COL4A5: variants seen among roughly 807,000 people sequenced by gnomAD.
COL4A5 encodes the protein collagen alpha-5(IV) chain.
A neutral mutation model predicts 130.2 loss-of-function variants in COL4A5; 26 were observed. The observed-to-expected ratio is 0.20, with a 90% CI of 0.15 to 0.28. COL4A5 has a LOEUF of 0.28. Ranked by LOEUF, COL4A5 falls within the 10% of genes least tolerant of loss-of-function variation. The pLI, the probability that COL4A5 is intolerant of heterozygous loss-of-function variation, is 1.00. For synonymous variants in COL4A5, 496 were observed against 439.6 expected (o/e 1.13, Z -1.60); for missense variants, 1,131 against 1,344.3 (o/e 0.84, Z 2.48).
chrX:108,607,536 T>C (rs899594820), intron 29 of COL4A5, among the ~76,000 whole-genome samples: 1 of 81,674 alleles, frequency 1.2e-5, no homozygotes, highest in Non-Finnish European at 2.2e-5. Context: ...CAGGCTGGAG[T>C]GCAATGGCGT....
intron 19 of COL4A5, 52 bp downstream of exon 19, chrX:108,586,799 A>G (rs773209881): frequency 1.3e-5 from 15 of 1,155,703 alleles, no homozygotes; most frequent in African/African-American, 1.8e-5. Flanking sequence ...TTACTAATCC[A>G]TGTATACTTT....
At chrX:108,514,988 C>T (rs745594633) in intron 1 of COL4A5, among the ~76,000 whole-genome samples, 5 of 111,677 alleles carry the variant, frequency 4.5e-5, no homozygotes, top group Non-Finnish European at 9.4e-5. Context: ...CAATCAATTT[C>T]GACCATTGGG....
intron 1 of COL4A5, among the ~76,000 whole-genome samples, chrX:108,480,940 C>T (rs1187001469): frequency 1.8e-5 from 2 of 112,095 alleles, no homozygotes; most frequent in Non-Finnish European, 3.8e-5. Context: ...GTAGAGGCTG[C>T]TCTAATGGCT....
intron 19 of COL4A5, among the ~76,000 whole-genome samples, chrX:108,587,514 C>T (rs1374156281): frequency 8.9e-6 from 1 of 111,915 alleles, no homozygotes; most frequent in African/African-American, 3.2e-5. Flanking sequence ...TTTATCTGTT[C>T]ATCCACTGAT....
chrX:108,550,851 A>G (rs1015105410), intron 2 of COL4A5, among the ~76,000 whole-genome samples: 1 of 111,819 alleles, frequency 8.9e-6, no homozygotes, highest in East Asian at 2.8e-4. Context: ...AAACCAACAA[A>G]CTAAGATCAG....
intron 47 of COL4A5, among the ~76,000 whole-genome samples, chrX:108,684,577 C>A (rs985910245): frequency 8.9e-6 from 1 of 112,173 alleles, no homozygotes; most frequent in Non-Finnish European, 1.9e-5. Flanking sequence ...CTTGAATAGG[C>A]CAATAAAAAG....
intron 1 of COL4A5, among the ~76,000 whole-genome samples, chrX:108,465,868 A>G (rs1446930511): frequency 2.7e-5 from 3 of 111,284 alleles, no homozygotes; most frequent in African/African-American, 6.5e-5. Flanking sequence ...GACATTTCGT[A>G]TATTCATCAT....
intron 2 of COL4A5, among the ~76,000 whole-genome samples, chrX:108,540,693 T>TTG (rs2065524768): frequency 2.7e-5 from 3 of 111,882 alleles, no homozygotes; most frequent in African/African-American, 9.7e-5. Flanking sequence ...TCAAGTGATC[T>TTG]GCCCACCTTG....
intron 40 of COL4A5, 75 bp downstream of exon 40, chrX:108,667,258 C>T: frequency 5.2e-6 from 5 of 967,730 alleles, no homozygotes; most frequent in Non-Finnish European, 7.4e-6. Flanking sequence ...ATTTTTCCAT[C>T]TCCACCTTTT....
chrX:108,518,992 G>C (rs1814649605), intron 1 of COL4A5, among the ~76,000 whole-genome samples: 1 of 111,710 alleles, frequency 9.0e-6, no homozygotes. Flanking sequence ...AACGATTCTA[G>C]CTCTGGCTCT....
At chrX:108,603,190 A>T in intron 28 of COL4A5, 129 bp downstream of exon 28, 1 of 354,043 alleles carries the variant, frequency 2.8e-6, no homozygotes, top group Admixed American at 4.9e-5. Context: ...CAGATAACTT[A>T]TTATATTTCC....
chrX:108,611,422 A>G (rs2066833093), intron 29 of COL4A5, among the ~76,000 whole-genome samples: 1 of 111,137 alleles, frequency 9.0e-6, no homozygotes, highest in African/African-American at 3.3e-5. Flanking sequence ...AATAACATCC[A>G]AAGGTATTAT....
intron 1 of COL4A5, among the ~76,000 whole-genome samples, chrX:108,530,268 T>C (rs1480351545): frequency 1.8e-5 from 2 of 111,338 alleles, no homozygotes; most frequent in African/African-American, 6.5e-5. Flanking sequence ...ACTCTGAAAA[T>C]ACATGGAAAT....
intron 43 of COL4A5, 91 bp from the exon 44 acceptor site, chrX:108,677,409 A>G: frequency 1.1e-6 from 1 of 905,262 alleles, no homozygotes; most frequent in Non-Finnish European, 1.6e-6. Flanking sequence ...TCTGCAAACT[A>G]ATAGGAAGAT....
intron 4 of COL4A5, among the ~76,000 whole-genome samples, chrX:108,566,472 A>G (rs2051407625): frequency 9.0e-6 from 1 of 110,942 alleles, no homozygotes; most frequent in Admixed American, 9.6e-5. Flanking sequence ...GAAATGGGAC[A>G]TATCTCTGAT....
chrX:108,540,798 T>C (rs2065526484), intron 2 of COL4A5, among the ~76,000 whole-genome samples: 2 of 112,399 alleles, frequency 1.8e-5, no homozygotes, highest in Non-Finnish European at 3.8e-5. Context: ...ACAGATATTA[T>C]GATTACAAAG....
At chrX:108,469,169 C>CTTTTTTTT (rs529015725) in intron 1 of COL4A5, among the ~76,000 whole-genome samples, 11 of 77,657 alleles carry the variant, frequency 1.4e-4, no homozygotes, top group Non-Finnish European at 2.2e-4. Flanking sequence ...CTCTCTCTCT[C>CTTTTTTTT]TTTTTTTTTT....
intron 41 of COL4A5, among the ~76,000 whole-genome samples, chrX:108,669,025 T>G (rs1380897659): frequency 8.9e-6 from 1 of 112,036 alleles, no homozygotes; most frequent in Admixed American, 9.5e-5. Flanking sequence ...CAAATTTATC[T>G]CCAACATCAC....
chrX:108,534,080 T>A (rs1191050760), intron 1 of COL4A5, among the ~76,000 whole-genome samples: 1 of 109,624 alleles, frequency 9.1e-6, no homozygotes, highest in Non-Finnish European at 1.9e-5. Context: ...GGAACTCTTA[T>A]ATGCTGTTGT....
Sources: gnomAD v4.1 joint callset for allele counts (sites outside exome capture counted in the v4.1 genomes callset) on GRCh38, gnomAD v4.1.1 for gene constraint, MANE v1.5 for transcripts, NCBI Gene and HGNC (gene_info 2026-07-23, HGNC 2026-07-21) for gene names.